The following TMC7 variants were observed in gnomAD, a reference collection of about 807,000 sequenced individuals.
TMC7 encodes the protein transmembrane channel-like protein 7.
In TMC7, 54 loss-of-function variants were observed where a neutral mutation model predicts 82.9. That is an observed-to-expected ratio of 0.65 (90% CI 0.52 to 0.82). The LOEUF (loss-of-function observed/expected upper bound fraction) is 0.82. Among genes scored for constraint, TMC7 ranks in the 40% least tolerant of loss-of-function variants. The pLI is 0.00. For synonymous variants in TMC7, 350 were observed against 337.9 expected, an observed-to-expected ratio of 1.04 and a Z score of -0.39; for missense variants, 820 against 901.2, an observed-to-expected ratio of 0.91 and a Z score of 1.15.
chr16:18,993,412 A>G (rs1419716482), intron 1 of TMC7, among the ~76,000 whole-genome samples: 1 of 152,200 alleles, frequency 6.6e-6, no homozygotes, highest in Non-Finnish European at 1.5e-5. Context: ...TGAGGCTGGA[A>G]GGAGATATTT....
Position 19,061,890 on chromosome 16 carries a change from C to G in TMC7, c.*47C>G, listed in dbSNP as rs777684436. ...TGCTGCCTGTTGCTTCTAAGCTGAC[C>G]TAGTGATTCTGCTGAGCCTACAGAG... On this transcript the variant is annotated 3_prime_UTR_variant, in exon 16 of 16. Transcript: ENST00000304381. The G allele has an allele frequency of 1.4e-5, 22 of 1,528,538 alleles. No individual in the cohort carries two copies. In the South Asian group the frequency reaches 2.4e-4, roughly 17 times the overall value. The allele number at this position is 1,528,538 out of a possible 1,614,324, so 94.7% of individuals were successfully genotyped here.
intron 15 of TMC7, 64 bp downstream of exon 15, chr16:19,059,558 G>C (rs1961914196): frequency 6.2e-7 from 1 of 1,613,828 alleles, no homozygotes. Context: ...TGCAAGGAAA[G>C]TGCTGTTTTC....
chr16:19,034,101 T>C (rs1328632311), intron 6 of TMC7, among the ~76,000 whole-genome samples: 1 of 152,226 alleles, frequency 6.6e-6, no homozygotes, highest in Admixed American at 6.6e-5. Context: ...AAACAGGTGC[T>C]CACTAAATAG....
At chr16:18,998,113 C>T (rs900722715) in intron 1 of TMC7, among the ~76,000 whole-genome samples, 1 of 152,180 alleles carries the variant, frequency 6.6e-6, no homozygotes, top group Admixed American at 6.5e-5. Context: ...TGCTTTCCTG[C>T]TACAAGGACA....
chr16:19,009,615 A>C (rs1397200041), intron 2 of TMC7, among the ~76,000 whole-genome samples, 200 bp downstream of exon 2: 2 of 151,994 alleles, frequency 1.3e-5, no homozygotes, highest in Non-Finnish European at 2.9e-5. Flanking sequence ...AAAAGAAAAA[A>C]AAAAAGACAC....
At chr16:19,047,646 C>T (rs182216511) in intron 12 of TMC7, among the ~76,000 whole-genome samples, 2 of 150,710 alleles carry the variant, frequency 1.3e-5, no homozygotes, top group African/African-American at 2.4e-5. Flanking sequence ...CCACCCGCCT[C>T]GGCCTCCTAA....
intron 4 of TMC7, 65 bp from the exon 5 acceptor site, chr16:19,023,048 A>G: frequency 9.9e-7 from 1 of 1,009,450 alleles, no homozygotes; most frequent in Non-Finnish European, 1.5e-6. Flanking sequence ...AACAAACAAA[A>G]AAACCAGGCA....
chr16:19,056,094 CT>C lies in TMC7; in HGVS notation c.1872-436del, dbSNP rs200352592. 3.8e-3 allele frequency among the ~76,000 whole-genome samples: 558 copies of C among 145,514 alleles called. 1 individual carries two copies. Among genetic ancestry groups the C allele is most frequent in the African/African-American group, 1.0e-2 (398 of 39,938 alleles). ...AAGCATTTTCTTTCTTTCTTTCTTT[CT>C]TTTTTTTTTTTGAGACGGAGTTTTG... is the stretch of plus-strand genomic sequence containing the variant. On this transcript the variant is annotated intron_variant, in intron 13 of 15. Transcript: ENST00000304381.
intron 1 of TMC7, among the ~76,000 whole-genome samples, chr16:18,995,394 A>G (rs561336445): frequency 6.6e-6 from 1 of 152,346 alleles, no homozygotes; most frequent in East Asian, 1.9e-4. Flanking sequence ...ATCAGTCTTC[A>G]GCCACTAAGC....
At chr16:19,020,594 G>A (rs1397470701) in intron 3 of TMC7, among the ~76,000 whole-genome samples, 1 of 152,248 alleles carries the variant, frequency 6.6e-6, no homozygotes, top group African/African-American at 2.4e-5. Context: ...AGGGCTGGGC[G>A]TGGTGGCTCA....
chr16:19,047,294 C>T (rs770250595), intron 12 of TMC7, 45 bp downstream of exon 12: 125 of 1,578,400 alleles, frequency 7.9e-5, no homozygotes, highest in Admixed American at 8.9e-5. Flanking sequence ...GGGCCATTTT[C>T]GACCTTCCAG....
At chr16:19,045,951 G>A (rs780980940) in intron 11 of TMC7, among the ~76,000 whole-genome samples, 20 of 151,508 alleles carry the variant, frequency 1.3e-4, no homozygotes, top group Admixed American at 2.6e-4. Context: ...GGCTGGTCTC[G>A]AACTGGCCTC....
chr16:19,027,456 G>A (rs958848325), intron 5 of TMC7, among the ~76,000 whole-genome samples: 4 of 152,182 alleles, frequency 2.6e-5, no homozygotes, highest in Middle Eastern at 6.8e-3. Flanking sequence ...TAATATAAAT[G>A]TAAATAGGCA....
At chr16:19,035,029 G>T (rs918597320) in intron 6 of TMC7, among the ~76,000 whole-genome samples, 1 of 152,116 alleles carries the variant, frequency 6.6e-6, no homozygotes, top group Admixed American at 6.6e-5. Context: ...CAACCTAGGT[G>T]CCCATCAATG....
chr16:19,061,906 G>A lies in TMC7; in HGVS notation c.*63G>A, dbSNP rs927576669. 6 of 1,430,702 alleles carry A rather than the reference G, an allele frequency of 4.2e-6. No individual in the cohort carries two copies. The highest frequency in any genetic ancestry group is 5.8e-6 in the Non-Finnish European group (6 of 1,038,552). 88.6% of individuals were successfully genotyped at this position (1,430,702 alleles called of 1,614,324 possible). Reference sequence around the variant, plus strand: ...TAAGCTGACCTAGTGATTCTGCTGAGCCTACAGAGTCTACCTGGGTTTTGA... The same window carrying A: ...TAAGCTGACCTAGTGATTCTGCTGAACCTACAGAGTCTACCTGGGTTTTGA... On this transcript the variant is annotated 3_prime_UTR_variant, in exon 16 of 16. Coordinates refer to ENST00000304381, the MANE Select transcript of TMC7 (RefSeq NM_024847.4).
chr16:19,053,050 G>A (rs1961608058), intron 13 of TMC7, among the ~76,000 whole-genome samples: 1 of 152,060 alleles, frequency 6.6e-6, no homozygotes, highest in African/African-American at 2.4e-5. Flanking sequence ...TTCTGTATGT[G>A]TTTTGTTGCT....
chr16:19,062,835 A>C lies in TMC7; in HGVS notation c.*992A>C, dbSNP rs1962063226. ...ACTGTAGTTTTGTAATGGACTTTTC[A>C]AGCCTTCCTTCCATTGTTTTTCTTC... On this transcript the variant is annotated 3_prime_UTR_variant, in exon 16 of 16. Transcript: ENST00000304381. 1 of 152,530 alleles carries C rather than the reference A, an allele frequency of 6.6e-6. No individual in the cohort carries two copies. The highest frequency in any genetic ancestry group is 1.5e-5 in the Non-Finnish European group (1 of 68,034). 9.4% of individuals were successfully genotyped at this position (152,530 alleles called of 1,614,324 possible).
intron 1 of TMC7, among the ~76,000 whole-genome samples, chr16:18,994,682 TGGCACCACGG>T (rs2039010145): frequency 6.6e-6 from 1 of 151,974 alleles, no homozygotes; most frequent in South Asian, 2.1e-4. Flanking sequence ...TATATGGGTT[TGGCACCACGG>T]GGTGGATAGG....
chr16:19,016,728 C>A, intron 3 of TMC7, 130 bp downstream of exon 3: 1 of 1,029,554 alleles, frequency 9.7e-7, no homozygotes, highest in Middle Eastern at 3.2e-4. Context: ...GAGCAACAAA[C>A]CACAGCAAGG....
Sources: allele counts gnomAD v4.1 joint callset (sites outside exome capture counted in the v4.1 genomes callset), GRCh38; gene constraint gnomAD v4.1.1; transcripts MANE v1.5; gene names NCBI Gene and HGNC (gene_info 2026-07-23, HGNC 2026-07-21).